C8orf34: variants seen among roughly 807,000 people sequenced by gnomAD.
C8orf34 encodes the protein chromosome 8 open reading frame 34.
Under a neutral mutation model 68.3 loss-of-function variants are expected in C8orf34, and 65 were observed. That is an observed-to-expected ratio of 0.95 (90% CI 0.78 to 1.17). The LOEUF (loss-of-function observed/expected upper bound fraction) is 1.17, where lower values mean the gene tolerates loss of function less well. Ranked by LOEUF, C8orf34 falls within the 50% of genes most tolerant of loss-of-function variation. The pLI is 0.00. For missense variants in C8orf34, 664 were observed against 655.4 expected (o/e 1.01, Z -0.14); for synonymous variants, 244 against 241.2 (o/e 1.01, Z -0.11).
intron 8 of C8orf34, among the ~76,000 whole-genome samples, chr8:68,695,970 A>G (rs533132758): frequency 6.2e-4 from 94 of 152,164 alleles, no homozygotes; most frequent in African/African-American, 2.2e-3. Context: ...TGGCACATCA[A>G]TAGATATTTA....
intron 7 of C8orf34, among the ~76,000 whole-genome samples, chr8:68,562,139 T>C (rs1315427780): frequency 2.0e-5 from 3 of 152,242 alleles, no homozygotes; most frequent in Admixed American, 2.0e-4. Context: ...AGTAGGTTTG[T>C]TCACACCAGC....
rs1341731632 is a variant in C8orf34 at position 68,409,308 on chromosome 8, T to C, written c.328-30191T>C. On this transcript the variant is annotated intron_variant, in intron 1 of 13. Coordinates refer to ENST00000518698, the MANE Select transcript of C8orf34 (RefSeq NM_052958.4). ...AAGAAAGCATTGTTGTCAAAGGAGA[T>C]GACAGCCCCATGTATGTTATTGCCC... 3.3e-5 allele frequency among the ~76,000 whole-genome samples: 5 copies of C among 152,300 alleles called. No homozygotes were observed. In the East Asian group the frequency reaches 9.7e-4, roughly 29 times the overall value.
intron 7 of C8orf34, among the ~76,000 whole-genome samples, chr8:68,539,480 A>C (rs1379865106): frequency 6.6e-6 from 1 of 152,212 alleles, no homozygotes; most frequent in Admixed American, 6.5e-5. Flanking sequence ...ATGTATAACT[A>C]TAGGAATCCA....
chr8:68,679,872 T>G (rs1175214271), intron 8 of C8orf34, among the ~76,000 whole-genome samples: 2 of 152,118 alleles, frequency 1.3e-5, no homozygotes, highest in Non-Finnish European at 2.9e-5. Context: ...AAACTGGATA[T>G]CTACATTCAG....
chr8:68,733,996 T>C (rs1254493388), intron 10 of C8orf34, among the ~76,000 whole-genome samples: 1 of 152,208 alleles, frequency 6.6e-6, no homozygotes, highest in Non-Finnish European at 1.5e-5. Context: ...TTTCTGAAAC[T>C]TGTCATTTTC....
chr8:68,609,292 A>G (rs1381380626), intron 7 of C8orf34, among the ~76,000 whole-genome samples: 2 of 152,160 alleles, frequency 1.3e-5, no homozygotes, highest in Non-Finnish European at 2.9e-5. Flanking sequence ...TCAAGTGCCC[A>G]GTGACTGTAT....
intron 10 of C8orf34, among the ~76,000 whole-genome samples, chr8:68,770,242 A>C (rs1241954788): frequency 6.6e-6 from 1 of 152,252 alleles, no homozygotes; most frequent in Admixed American, 6.5e-5. Flanking sequence ...TCATAGCTAA[A>C]GAAACTCAGC....
At chr8:68,684,267 A>G (rs775786193) in intron 8 of C8orf34, among the ~76,000 whole-genome samples, 7 of 152,142 alleles carry the variant, frequency 4.6e-5, no homozygotes, top group Non-Finnish European at 1.0e-4. Context: ...CAAGACAAAC[A>G]TGAAGCACAG....
chr8:68,505,861 G>A (rs1813997549), intron 5 of C8orf34, among the ~76,000 whole-genome samples: 1 of 151,988 alleles, frequency 6.6e-6, no homozygotes, highest in Admixed American at 6.6e-5. Flanking sequence ...TGAACTAGTT[G>A]GAATTCAATT....
chr8:68,468,845 T>C (rs1812259765), intron 4 of C8orf34, 25 bp downstream of exon 4: 1 of 1,601,472 alleles, frequency 6.2e-7, no homozygotes, highest in Non-Finnish European at 8.5e-7. Context: ...TTGATTATAA[T>C]TGAAACTCCT....
At chr8:68,761,358 G>T (rs946330395) in intron 10 of C8orf34, among the ~76,000 whole-genome samples, 1 of 152,082 alleles carries the variant, frequency 6.6e-6, no homozygotes, top group Non-Finnish European at 1.5e-5. Flanking sequence ...TCAGGCAACA[G>T]TTCTTTCCTG....
chr8:68,332,579 C>CA (rs995549230), intron 1 of C8orf34, among the ~76,000 whole-genome samples: 10 of 151,886 alleles, frequency 6.6e-5, no homozygotes, highest in African/African-American at 1.9e-4. Context: ...CTGTGGAGAA[C>CA]AAAAAAATAA....
chr8:68,763,584 T>A (rs998168060), intron 10 of C8orf34, among the ~76,000 whole-genome samples: 5 of 152,166 alleles, frequency 3.3e-5, no homozygotes, highest in Non-Finnish European at 5.9e-5. Context: ...CTGTTGATCC[T>A]ATATAGATCT....
chr8:68,489,505 G>T (rs185685114), intron 5 of C8orf34, among the ~76,000 whole-genome samples: 1 of 152,238 alleles, frequency 6.6e-6, no homozygotes, highest in East Asian at 1.9e-4. Flanking sequence ...AAATTCATTT[G>T]TGTTTCATAT....
rs565922076 is a variant in C8orf34, at chr8:68,664,716, C to A, written c.1241+24205C>A. On this transcript the variant is annotated intron_variant, in intron 8 of 13. Transcript: ENST00000518698. ...AATCAGATGCCCCTTCCTTAGTGTGCCCTAGTTCATCCACAGAGAGAACAC... is the reference window on the plus strand; with the variant it reads ...AATCAGATGCCCCTTCCTTAGTGTGACCTAGTTCATCCACAGAGAGAACAC... Among the ~76,000 whole-genome samples the A allele has an allele frequency of 1.5e-4, 23 of 152,220 alleles. No homozygotes were observed. The South Asian group carries it at 2.3e-3, about 15-fold the overall frequency.
chr8:68,628,562 G>GA, intron 7 of C8orf34, among the ~76,000 whole-genome samples: 1 of 152,112 alleles, frequency 6.6e-6, no homozygotes, highest in African/African-American at 2.4e-5. Flanking sequence ...AATTCACTCA[G>GA]AATATATAAC....
intron 8 of C8orf34, among the ~76,000 whole-genome samples, chr8:68,675,434 A>G (rs1255803845): frequency 1.3e-5 from 2 of 152,262 alleles, no homozygotes; most frequent in Non-Finnish European, 2.9e-5. Flanking sequence ...CAAAGTTAAA[A>G]TGTAGAGCTT....
At chr8:68,439,762 G>A (rs1284952018) in intron 2 of C8orf34, 116 bp downstream of exon 2, 2 of 987,446 alleles carry the variant, frequency 2.0e-6, no homozygotes, top group African/African-American at 3.3e-5. Context: ...GGTTTCATGT[G>A]TTCATCTCTG....
chr8:68,371,968 C>T (rs1807583096), intron 1 of C8orf34, among the ~76,000 whole-genome samples: 2 of 152,150 alleles, frequency 1.3e-5, no homozygotes, highest in Admixed American at 1.3e-4. Flanking sequence ...CTTGGTTCTC[C>T]AAAATACTGG....
Sources: allele counts gnomAD v4.1 joint callset (sites outside exome capture counted in the v4.1 genomes callset), GRCh38; gene constraint gnomAD v4.1.1; transcripts MANE v1.5; gene names NCBI Gene and HGNC (gene_info 2026-07-23, HGNC 2026-07-21).